CSMD2: variants seen among roughly 807,000 people sequenced by gnomAD.
CSMD2 encodes CUB and Sushi multiple domains 2.
Under a neutral mutation model 398.5 loss-of-function variants are expected in CSMD2, and 130 were observed. That is an observed-to-expected ratio of 0.33 (90% confidence interval 0.28 to 0.38). CSMD2 has a LOEUF of 0.38. Among genes scored for constraint, CSMD2 ranks in the 10% least tolerant of loss-of-function variants. The pLI is 1.00. For synonymous variants in CSMD2, 1,828 were observed against 1,908.5 expected, an observed-to-expected ratio of 0.96 and a Z score of 1.10; for missense variants, 3,829 against 4,764.9, an observed-to-expected ratio of 0.80 and a Z score of 5.78.
At chr1:34,008,811 G>A (rs1219525059) in intron 3 of CSMD2, among the ~76,000 whole-genome samples, 1 of 152,188 alleles carries the variant, frequency 6.6e-6, no homozygotes, top group African/African-American at 2.4e-5. Context: ...TGTTGTTCAT[G>A]ACTATATTCC....
At chr1:33,647,974 T>G (rs966722167) in intron 28 of CSMD2, among the ~76,000 whole-genome samples, 2 of 152,214 alleles carry the variant, frequency 1.3e-5, no homozygotes, top group Non-Finnish European at 2.9e-5. Context: ...CTCGACTGGT[T>G]CAGATTACAC....
At position 33,659,207 on chromosome 1, in the gene CSMD2, A is replaced by C. The variant is rs773579773; in HGVS notation, c.4256-1070T>G. ...GCAGGTGTTTTATAAGCGAATACTG[A>C]ATGAATGCTAGATGGAAGGAATACA... On this transcript the variant is annotated intron_variant, in intron 26 of 70. Transcript: ENST00000373381. 3.9e-5 allele frequency among the ~76,000 whole-genome samples: 6 copies of C among 152,232 alleles called. No homozygotes were observed. The South Asian group carries it at 8.3e-4, about 21-fold the overall frequency.
At chr1:33,925,846 C>T (rs928245226) in intron 4 of CSMD2, among the ~76,000 whole-genome samples, 2 of 152,094 alleles carry the variant, frequency 1.3e-5, no homozygotes, top group Non-Finnish European at 2.9e-5. Flanking sequence ...CCAGCTCTTC[C>T]GATTCACTAA....
intron 14 of CSMD2, among the ~76,000 whole-genome samples, chr1:33,740,753 T>C (rs1056338965): frequency 1.3e-5 from 2 of 152,142 alleles, no homozygotes; most frequent in Admixed American, 1.3e-4. Flanking sequence ...GTCCAGGCAT[T>C]TTTCTTTCAA....
intron 67 of CSMD2, among the ~76,000 whole-genome samples, chr1:33,522,824 G>C (rs1006348132): frequency 6.6e-6 from 1 of 152,192 alleles, no homozygotes; most frequent in African/African-American, 2.4e-5. Context: ...GAAAGCCCTA[G>C]AATAGAATGT....
chr1:34,158,157 G>A (rs1047455346), intron 1 of CSMD2, among the ~76,000 whole-genome samples: 2 of 152,146 alleles, frequency 1.3e-5, no homozygotes, highest in African/African-American at 4.8e-5. Flanking sequence ...AAAGAGCTCT[G>A]AGAGCCACGC....
chr1:34,024,483 G>T (rs1649364933), intron 3 of CSMD2, among the ~76,000 whole-genome samples: 1 of 152,226 alleles, frequency 6.6e-6, no homozygotes, highest in African/African-American at 2.4e-5. Flanking sequence ...CTATTTGTGG[G>T]ATTATTGAGG....
intron 55 of CSMD2, among the ~76,000 whole-genome samples, chr1:33,550,884 G>A (rs1190348813): frequency 1.3e-5 from 2 of 152,208 alleles, no homozygotes; most frequent in South Asian, 2.1e-4. Flanking sequence ...CAAGTGAGAA[G>A]ATAGAACACC....
At chr1:33,608,304 G>A (rs537799949) in intron 41 of CSMD2, among the ~76,000 whole-genome samples, 16 of 152,290 alleles carry the variant, frequency 1.1e-4, no homozygotes, top group African/African-American at 3.8e-4. Context: ...TCCCATCACA[G>A]GGATTCAGTG....
chr1:33,659,725 C>T (rs1420028891), intron 26 of CSMD2, among the ~76,000 whole-genome samples: 2 of 152,180 alleles, frequency 1.3e-5, no homozygotes, highest in Non-Finnish European at 2.9e-5. Flanking sequence ...CAACTGTATA[C>T]ACTGATGTCA....
At chr1:33,856,648 C>T (rs1639118378) in intron 5 of CSMD2, among the ~76,000 whole-genome samples, 1 of 152,080 alleles carries the variant, frequency 6.6e-6, no homozygotes, top group Non-Finnish European at 1.5e-5. Context: ...TGTCCCTTCC[C>T]CTGTTAGGAG....
At chr1:34,047,558 C>T (rs530213776) in intron 2 of CSMD2, among the ~76,000 whole-genome samples, 12 of 152,206 alleles carry the variant, frequency 7.9e-5, no homozygotes, top group African/African-American at 2.4e-4. Flanking sequence ...GTGAATTCCA[C>T]GAGGGCAGGG....
chr1:33,619,940 T>C (rs1349965568), intron 37 of CSMD2, among the ~76,000 whole-genome samples: 1 of 152,138 alleles, frequency 6.6e-6, no homozygotes, highest in Non-Finnish European at 1.5e-5. Flanking sequence ...TAGTTGCAAC[T>C]AACTAGACCT....
chr1:33,664,038 T>C (rs1644229998), intron 25 of CSMD2, among the ~76,000 whole-genome samples: 1 of 152,226 alleles, frequency 6.6e-6, no homozygotes, highest in Admixed American at 6.5e-5. Flanking sequence ...CTGATGTCTT[T>C]TTTTGTGTTC....
intron 1 of CSMD2, among the ~76,000 whole-genome samples, chr1:34,094,208 T>G (rs892119344): frequency 1.4e-4 from 21 of 151,396 alleles, no homozygotes; most frequent in Admixed American, 6.6e-4. Flanking sequence ...AAGCAAATGC[T>G]GAGAGATTTT....
At chr1:33,818,789 G>T (rs1203877351) in intron 9 of CSMD2, among the ~76,000 whole-genome samples, 19 of 152,134 alleles carry the variant, frequency 1.2e-4, no homozygotes, top group Non-Finnish European at 2.8e-4. Context: ...ACAGGATATG[G>T]GTTTCAGCTC....
chr1:33,792,591 G>T, intron 10 of CSMD2, 65 bp from the exon 11 acceptor site: 1 of 1,060,012 alleles, frequency 9.4e-7, no homozygotes, highest in South Asian at 1.3e-5. Context: ...AAGCCTTGAG[G>T]GGAGGAAGGA....
chr1:33,673,966 A>T (rs1293565614), intron 25 of CSMD2, among the ~76,000 whole-genome samples: 2 of 152,238 alleles, frequency 1.3e-5, no homozygotes, highest in African/African-American at 2.4e-5. Context: ...GGAAGCACTA[A>T]ACATGGAAAG....
At chr1:33,605,235 C>T (rs1640510265) in intron 42 of CSMD2, 47 bp downstream of exon 42, 2 of 1,570,206 alleles carry the variant, frequency 1.3e-6, no homozygotes, top group Non-Finnish European at 8.7e-7. Flanking sequence ...GGACCAGTCT[C>T]CACGAGTACC....
Sources: gnomAD v4.1 joint callset for allele counts (sites outside exome capture counted in the v4.1 genomes callset) on GRCh38, gnomAD v4.1.1 for gene constraint, MANE v1.5 for transcripts, NCBI Gene and HGNC (gene_info 2026-07-23, HGNC 2026-07-21) for gene names.